ST8SIA2: variants seen among roughly 807,000 people sequenced by gnomAD.
The protein encoded by ST8SIA2 is alpha-2,8-sialyltransferase 8B.
ST8SIA2 carries 22 observed loss-of-function variants against 37.6 expected under a neutral mutation model. The ratio of observed to expected loss-of-function variants is 0.58; its 90% CI spans 0.42 to 0.83. The LOEUF (loss-of-function observed/expected upper bound fraction) is 0.83. ST8SIA2 is among the 40% of genes least tolerant of loss of function. The pLI is 0.00. For synonymous variants in ST8SIA2, 205 were observed against 201.2 expected, an observed-to-expected ratio of 1.02 and a Z score of -0.16; for missense variants, 382 against 484.7, an observed-to-expected ratio of 0.79 and a Z score of 1.99.
chr15:92,397,652 T>G (rs543946419), intron 1 of ST8SIA2, among the ~76,000 whole-genome samples: 2 of 152,322 alleles, frequency 1.3e-5, no homozygotes, highest in South Asian at 4.1e-4. Flanking sequence ...GCTAAAATCT[T>G]CTGATTGTTT....
At position 92,432,420 on chromosome 15, in the gene ST8SIA2, G is replaced by A. The variant is rs1434311964; in HGVS notation, c.162-1827G>A. ...GCCAGTGGGGCATGCCAGAAACATC[G>A]GTGCTCCTTTGAAAATTCCAGAACC... On this transcript the variant is annotated intron_variant, in intron 2 of 5. Coordinates refer to ENST00000268164, the MANE Select transcript of ST8SIA2 (RefSeq NM_006011.4). Among the ~76,000 whole-genome samples, 6 of 152,092 alleles carry A rather than the reference G, an allele frequency of 3.9e-5. No homozygotes were observed. The East Asian group carries it at 5.8e-4, about 15-fold the overall frequency.
intron 1 of ST8SIA2, among the ~76,000 whole-genome samples, chr15:92,400,370 G>A (rs1215592165): frequency 1.3e-5 from 2 of 152,168 alleles, no homozygotes; most frequent in African/African-American, 4.8e-5. Flanking sequence ...TTTTTTGAAG[G>A]AACAAACTCT....
intron 5 of ST8SIA2, among the ~76,000 whole-genome samples, chr15:92,463,368 C>A (rs1195548305): frequency 6.6e-6 from 1 of 152,198 alleles, no homozygotes. Flanking sequence ...CCCAGCCTTG[C>A]ATGGCAAACC....
At chr15:92,459,326 G>A (rs761264261) in intron 5 of ST8SIA2, among the ~76,000 whole-genome samples, 9 of 152,140 alleles carry the variant, frequency 5.9e-5, no homozygotes, top group African/African-American at 1.9e-4. Context: ...CCTGGGTAAC[G>A]TCAGCCCACA....
intron 2 of ST8SIA2, among the ~76,000 whole-genome samples, chr15:92,433,983 A>C (rs574632336): frequency 5.3e-5 from 8 of 152,172 alleles, no homozygotes; most frequent in Non-Finnish European, 1.2e-4. Context: ...ACCAGGAAAA[A>C]AAAAATCACT....
chr15:92,412,362 G>A (rs1188168893), intron 1 of ST8SIA2, among the ~76,000 whole-genome samples: 1 of 152,068 alleles, frequency 6.6e-6, no homozygotes, highest in Non-Finnish European at 1.5e-5. Context: ...GAAGAGGAGG[G>A]ATGAAGGTTC....
At chr15:92,441,130 TC>T (rs1448949528) in intron 4 of ST8SIA2, among the ~76,000 whole-genome samples, 1 of 152,186 alleles carries the variant, frequency 6.6e-6, no homozygotes, top group Admixed American at 6.5e-5. Context: ...CCCTACCTCC[TC>T]TGTGGGAGAA....
In ST8SIA2 at chr15:92,395,567, G is replaced by C. The variant is rs3825988; in HGVS notation, c.98+1405G>C. ...CATTCTCGGTTTCCCCAAGAGCTCT[G>C]AAAACTTTCACAAATGCTGCGCAGT... On this transcript the variant is annotated intron_variant, in intron 1 of 5. Coordinates refer to ENST00000268164, the MANE Select transcript of ST8SIA2 (RefSeq NM_006011.4). Among the ~76,000 whole-genome samples the C allele has an allele frequency of 3.9e-5, 6 of 152,310 alleles. No homozygotes were observed. The East Asian group carries it at 1.2e-3, about 29-fold the overall frequency.
At chr15:92,463,611 C>T (rs1205105541) in intron 5 of ST8SIA2, among the ~76,000 whole-genome samples, 1 of 152,234 alleles carries the variant, frequency 6.6e-6, no homozygotes, top group Non-Finnish European at 1.5e-5. Flanking sequence ...CCAAGTCTGG[C>T]CACACCCATG....
chr15:92,451,502 G>T (rs969702010), intron 5 of ST8SIA2, among the ~76,000 whole-genome samples: 5 of 152,214 alleles, frequency 3.3e-5, no homozygotes, highest in Admixed American at 1.3e-4. Context: ...GCCCTTGAAT[G>T]TGCCTTTGGT....
At chr15:92,449,190 C>A (rs971259107) in intron 5 of ST8SIA2, among the ~76,000 whole-genome samples, 1 of 152,058 alleles carries the variant, frequency 6.6e-6, no homozygotes, top group African/African-American at 2.4e-5. Context: ...CTACTGTTGC[C>A]ATCTTTATGT....
intron 5 of ST8SIA2, among the ~76,000 whole-genome samples, chr15:92,462,047 C>T (rs900854648): frequency 2.8e-4 from 43 of 152,008 alleles, no homozygotes; most frequent in African/African-American, 8.7e-4. Context: ...AGAGAAAGTG[C>T]GAGGAAAGGG....
Position 92,444,652 on chromosome 15 carries a change from G to A in ST8SIA2, c.565G>A (p.Val189Ile), listed in dbSNP as rs1413989856. 6.2e-7 allele frequency: 1 copy of A among 1,614,262 alleles called. No individual in the cohort carries two copies. The highest frequency in any genetic ancestry group is 8.5e-7 in the Non-Finnish European group (1 of 1,180,046). ...CTCCGGCAGGTGCAACCTGGCCCCAGTACAGGAGTATGCCCGGGATGTGGG... is the reference window on the plus strand; with the variant it reads ...CTCCGGCAGGTGCAACCTGGCCCCAATACAGGAGTATGCCCGGGATGTGGG... ...SFVIRCNLAPVQEYARDVGLK... is the reference protein window; with the variant it reads ...SFVIRCNLAPIQEYARDVGLK... The change falls in exon 5 of 6, where the codon GTA (valine) becomes ATA (isoleucine). Residue 189 changes from valine to isoleucine, a missense_variant. By Grantham distance (29) the Val-to-Ile change is conservative. Transcript: ENST00000268164.
intron 1 of ST8SIA2, among the ~76,000 whole-genome samples, chr15:92,395,589 C>T (rs1373429024): frequency 6.6e-6 from 1 of 152,204 alleles, no homozygotes; most frequent in East Asian, 1.9e-4. Context: ...AAATGCTGCG[C>T]AGTTAATACA....
At chr15:92,412,608 A>G (rs553555210) in intron 1 of ST8SIA2, among the ~76,000 whole-genome samples, 5 of 152,268 alleles carry the variant, frequency 3.3e-5, no homozygotes, top group African/African-American at 1.2e-4. Context: ...CCCAGTATCC[A>G]TGCAGTCTGG....
At chr15:92,424,183 A>G (rs970096034) in intron 1 of ST8SIA2, among the ~76,000 whole-genome samples, 2 of 152,260 alleles carry the variant, frequency 1.3e-5, no homozygotes, top group Non-Finnish European at 2.9e-5. Flanking sequence ...CTAGACTCTT[A>G]ATTAAAATTG....
At chr15:92,441,908 T>G (rs551088906) in intron 4 of ST8SIA2, among the ~76,000 whole-genome samples, 14 of 152,300 alleles carry the variant, frequency 9.2e-5, no homozygotes, top group Non-Finnish European at 1.5e-4. Context: ...CTCCAGAGCC[T>G]GCCCAAGCTG....
intron 2 of ST8SIA2, 85 bp from the exon 3 acceptor site, chr15:92,434,162 G>C (rs895268518): frequency 3.8e-6 from 6 of 1,590,886 alleles, no homozygotes; most frequent in Non-Finnish European, 5.1e-6. Flanking sequence ...TTACATTCAA[G>C]CCCGTGCAAA....
intron 1 of ST8SIA2, among the ~76,000 whole-genome samples, chr15:92,414,437 A>C (rs2049572218): frequency 6.6e-6 from 1 of 152,098 alleles, no homozygotes; most frequent in Non-Finnish European, 1.5e-5. Flanking sequence ...CCCCTACCCC[A>C]ACCTCACCTT....
Sources: gnomAD v4.1 joint callset for allele counts (sites outside exome capture counted in the v4.1 genomes callset) on GRCh38, gnomAD v4.1.1 for gene constraint, MANE v1.5 for transcripts, NCBI Gene and HGNC (gene_info 2026-07-23, HGNC 2026-07-21) for gene names.